The following DGKB variants were observed in gnomAD, a reference collection of about 807,000 sequenced individuals.
DGKB encodes the protein diacylglycerol kinase beta.
Under a neutral mutation model 114.3 loss-of-function variants are expected in DGKB, and 67 were observed. The ratio of observed to expected loss-of-function variants is 0.59; its 90% CI spans 0.48 to 0.72. The LOEUF is 0.72. Ranked by LOEUF, DGKB falls within the 30% of genes least tolerant of loss-of-function variation. DGKB has a pLI of 0.00. For synonymous variants in DGKB, 398 were observed against 323.1 expected, an observed-to-expected ratio of 1.23 and a Z score of -2.49; for missense variants, 907 against 975.2, an observed-to-expected ratio of 0.93 and a Z score of 0.93.
At chr7:14,693,968 T>G in intron 9 of DGKB, 107 bp downstream of exon 9, 1 of 1,330,930 alleles carries the variant, frequency 7.5e-7, no homozygotes, top group Admixed American at 2.5e-5. Context: ...AGGCACTCAC[T>G]GCATGCTTAA....
intron 13 of DGKB, among the ~76,000 whole-genome samples, chr7:14,664,675 T>C (rs930590615): frequency 1.5e-4 from 23 of 152,062 alleles, no homozygotes; most frequent in African/African-American, 5.6e-4. Context: ...TCAGACATCA[T>C]TTCTTTAAGA....
intron 23 of DGKB, among the ~76,000 whole-genome samples, chr7:14,193,189 A>C (rs1010252853): frequency 1.4e-5 from 2 of 147,006 alleles, no homozygotes; most frequent in African/African-American, 5.0e-5. Context: ...AAAAAAAAAA[A>C]CAACTATAAA....
At chr7:14,937,468 A>G (rs1261379197) in intron 1 of DGKB, among the ~76,000 whole-genome samples, 1 of 152,160 alleles carries the variant, frequency 6.6e-6, no homozygotes. Context: ...TTATTTTTTT[A>G]AATAACATTA....
intron 5 of DGKB, among the ~76,000 whole-genome samples, chr7:14,720,682 G>A (rs1187368806): frequency 6.6e-6 from 1 of 151,868 alleles, no homozygotes; most frequent in African/African-American, 2.4e-5. Context: ...TTTCAAATGT[G>A]GCTTTATGTT....
chr7:14,394,697 C>T lies in DGKB; in HGVS notation c.1836-49306G>A, dbSNP rs1053173048. ...TTTTTATTTTCTGAAACTTCAATCA[C>T]ATTAAGCTTTTCTTTTTTCTGCCAT... On this transcript the variant is annotated intron_variant, in intron 21 of 25. Coordinates refer to ENST00000402815, the MANE Select transcript of DGKB (RefSeq NM_001350709.2). Among the ~76,000 whole-genome samples the T allele has an allele frequency of 1.1e-4, 17 of 151,544 alleles. 3 individuals are homozygous for T. Among genetic ancestry groups the T allele is most frequent in the East Asian group, 9.7e-4 (5 of 5,140 alleles).
chr7:14,198,754 T>G (rs1269472458), intron 23 of DGKB, among the ~76,000 whole-genome samples: 1 of 151,950 alleles, frequency 6.6e-6, no homozygotes, highest in African/African-American at 2.4e-5. Flanking sequence ...CTAGATATTG[T>G]AAGAAAATAG....
intron 6 of DGKB, among the ~76,000 whole-genome samples, chr7:14,715,259 A>G (rs901394992): frequency 1.1e-4 from 16 of 152,326 alleles, no homozygotes; most frequent in Non-Finnish European, 2.4e-4. Context: ...TAAAATTGAC[A>G]GTTTAGTTTT....
chr7:14,841,351 T>C lies in DGKB; in HGVS notation c.-88A>G. ...AGGTCTATGCTTCAAAGATTCCACA[T>C]GGCATGTTTCATGATAAAATACCTC... is the stretch of plus-strand genomic sequence containing the variant. On this transcript the variant is annotated 5_prime_UTR_variant, in exon 2 of 26. The change abolishes an upstream ATG in the 5' untranslated region. Coordinates refer to ENST00000402815, the MANE Select transcript of DGKB (RefSeq NM_001350709.2). 1.8e-6 allele frequency: 2 copies of C among 1,139,280 alleles called. No individual in the cohort carries two copies. The highest frequency in any genetic ancestry group is 2.5e-6 in the Non-Finnish European group (2 of 790,740). 70.6% of individuals were successfully genotyped at this position (1,139,280 alleles called of 1,614,324 possible). A position where few individuals can be genotyped will look rare whatever the true frequency, so the allele number is the denominator to read the frequency against.
At chr7:14,555,646 C>G (rs886912289) in intron 20 of DGKB, among the ~76,000 whole-genome samples, 1 of 152,066 alleles carries the variant, frequency 6.6e-6, no homozygotes, top group Non-Finnish European at 1.5e-5. Context: ...CATTCTCAGA[C>G]AGTTAAGAAA....
intron 2 of DGKB, among the ~76,000 whole-genome samples, chr7:14,837,182 T>C (rs756993971): frequency 1.3e-5 from 2 of 152,236 alleles, no homozygotes; most frequent in Non-Finnish European, 1.5e-5. Flanking sequence ...GTAGGATCAG[T>C]ATTTAAACAC....
chr7:14,721,253 AGAT>A (rs1466960378), intron 5 of DGKB, among the ~76,000 whole-genome samples: 7 of 152,246 alleles, frequency 4.6e-5, no homozygotes, highest in African/African-American at 1.7e-4. Flanking sequence ...CAACTAAGGT[AGAT>A]GGTGTTTAAT....
rs183018956 is a variant in DGKB, at chr7:14,926,952, T to G, written c.-188+47744A>C. On this transcript the variant is annotated intron_variant, in intron 1 of 4. Transcript: ENST00000437998. ...GGAAGGGTTCTGGTGACCCTTTCAT[T>G]TGAATATAATTCTGAGCTTTCGGTT... Among the ~76,000 whole-genome samples, 28 of 152,182 alleles carry G rather than the reference T, an allele frequency of 1.8e-4. No individual in the cohort carries two copies. In the East Asian group the frequency reaches 5.0e-3, roughly 27 times the overall value.
intron 23 of DGKB, among the ~76,000 whole-genome samples, chr7:14,198,342 C>G (rs1785320938): frequency 6.6e-6 from 1 of 152,036 alleles, no homozygotes; most frequent in Admixed American, 6.6e-5. Flanking sequence ...TGAAAGCTAA[C>G]ATGTTAGCCT....
At chr7:14,285,100 C>G (rs1451781157) in intron 23 of DGKB, among the ~76,000 whole-genome samples, 1 of 152,176 alleles carries the variant, frequency 6.6e-6, no homozygotes, top group Non-Finnish European at 1.5e-5. Flanking sequence ...TTTTCTCACT[C>G]TGCATCCTTA....
chr7:14,740,017 G>A (rs1832339025), intron 4 of DGKB, among the ~76,000 whole-genome samples: 3 of 152,210 alleles, frequency 2.0e-5, no homozygotes, highest in Admixed American at 2.0e-4. Context: ...AGCCATGCAG[G>A]GCGGGACTGA....
chr7:14,392,950 G>A lies in DGKB; in HGVS notation c.1836-47559C>T, dbSNP rs111919985. 1.6e-3 allele frequency among the ~76,000 whole-genome samples: 228 copies of A among 146,204 alleles called. 1 individual carries two copies. The highest frequency in any genetic ancestry group is 2.6e-3 in the Non-Finnish European group (173 of 66,250). ...CAAAAGCATTTCAGGGAAGGGCTCA[G>A]CCAATTATAACCTGAGGGCCAAAAC... On this transcript the variant is annotated intron_variant, in intron 21 of 25. Coordinates refer to ENST00000402815, the MANE Select transcript of DGKB (RefSeq NM_001350709.2).
At chr7:14,585,494 C>T (rs532905650) in intron 17 of DGKB, among the ~76,000 whole-genome samples, 30 of 152,280 alleles carry the variant, frequency 2.0e-4, no homozygotes, top group African/African-American at 5.1e-4. Flanking sequence ...GCTTTTCCCA[C>T]GTGTAGCTGA....
intron 1 of DGKB, among the ~76,000 whole-genome samples, chr7:14,900,262 C>A (rs1056032883): frequency 1.3e-5 from 2 of 152,118 alleles, no homozygotes; most frequent in African/African-American, 4.8e-5. Context: ...TGGTGTTTTA[C>A]AAGAGAAAGA....
At chr7:14,343,337 C>T (rs1406284891) in intron 22 of DGKB, among the ~76,000 whole-genome samples, 1 of 151,748 alleles carries the variant, frequency 6.6e-6, no homozygotes, top group Non-Finnish European at 1.5e-5. Context: ...AAACAGCACT[C>T]CAAGAAACAT....
Sources: gnomAD v4.1 joint callset for allele counts (sites outside exome capture counted in the v4.1 genomes callset) on GRCh38, gnomAD v4.1.1 for gene constraint, MANE v1.5 for transcripts, NCBI Gene and HGNC (gene_info 2026-07-23, HGNC 2026-07-21) for gene names.